PTPDC1: variants seen among roughly 807,000 people sequenced by gnomAD.
The protein encoded by PTPDC1 is protein tyrosine phosphatase domain containing 1.
A neutral mutation model predicts 75.3 loss-of-function variants in PTPDC1; 53 were observed. The observed-to-expected ratio is 0.70, with a 90% CI of 0.56 to 0.88. The LOEUF is 0.88. PTPDC1 is among the 40% of genes least tolerant of loss of function. The pLI, the probability that PTPDC1 is intolerant of heterozygous loss-of-function variation, is 0.00. For missense variants in PTPDC1, 925 were observed against 998.6 expected, an observed-to-expected ratio of 0.93 and a Z score of 0.99; for synonymous variants, 349 against 366.2, an observed-to-expected ratio of 0.95 and a Z score of 0.54.
Position 94,097,504 on chromosome 9 carries a change from A to T in PTPDC1, c.938A>T (p.His313Leu). The part of the protein sequence containing the change: ...NIFSCCDPKA[H>L]AVTLPQYLIR... ...TTCTCTTGCTGTGATCCCAAAGCAC[A>T]TGCTGTCACCTTACCTCAATATCTA... Residue 313 changes from histidine (H) to leucine (L), a missense_variant, in exon 6 of 9, where the codon CAT becomes CTT. Coordinates refer to ENST00000620992, the MANE Select transcript of PTPDC1 (RefSeq NM_001253829.2). 1 of 1,614,172 alleles carries T rather than the reference A, an allele frequency of 6.2e-7. No individual in the cohort carries two copies. Among genetic ancestry groups the T allele is most frequent in the Non-Finnish European group, 8.5e-7 (1 of 1,180,004 alleles).
At chr9:94,096,823 G>A (rs1827588445) in intron 5 of PTPDC1, among the ~76,000 whole-genome samples, 1 of 152,198 alleles carries the variant, frequency 6.6e-6, no homozygotes, top group African/African-American at 2.4e-5. Context: ...TAGGGAGAGT[G>A]CCAAGCTGGG....
At chr9:94,104,612 G>A (rs189030871) in intron 8 of PTPDC1, among the ~76,000 whole-genome samples, 1 of 152,306 alleles carries the variant, frequency 6.6e-6, no homozygotes, top group Admixed American at 6.5e-5. Context: ...TTTTTTGAAG[G>A]AGAACGTTGG....
chr9:94,087,864 ATCC>A lies in PTPDC1; in HGVS notation c.453_455del (p.Ser152del). ...ATAATATACTGGCCATGGCCCGCCC[ATCC>A]TCTGAGCTCCTGGAGAAGTACCACA... On this transcript the variant is annotated inframe_deletion, in exon 3 of 9. Transcript: ENST00000620992. 6.2e-7 allele frequency: 1 copy of A among 1,613,916 alleles called. No individual in the cohort carries two copies. Among genetic ancestry groups the A allele is most frequent in the Non-Finnish European group, 8.5e-7 (1 of 1,179,864 alleles).
In PTPDC1 at chr9:94,098,314, C is replaced by T; in HGVS notation, c.1748C>T (p.Thr583Ile). 1.2e-6 allele frequency: 2 copies of T among 1,614,216 alleles called. No homozygotes were observed. Among genetic ancestry groups the T allele is most frequent in the Non-Finnish European group, 1.7e-6 (2 of 1,180,032 alleles). ...HQQVSHCQCK[T>I]HGVGSPGSVR... ...CAAGTGTCTCACTGTCAGTGTAAAA[C>T]TCATGGTGTTGGGAGCCCTGGCTCT... The change falls in exon 6 of 9, where the codon ACT becomes ATT. Residue 583 changes from threonine to isoleucine, a missense_variant. Thr to Ile is a moderately conservative substitution (Grantham distance 89). Coordinates refer to ENST00000620992, the MANE Select transcript of PTPDC1 (RefSeq NM_001253829.2).
At chr9:94,033,677 T>C (rs928238582) in intron 1 of PTPDC1, among the ~76,000 whole-genome samples, 2 of 152,226 alleles carry the variant, frequency 1.3e-5, no homozygotes, top group African/African-American at 4.8e-5. Context: ...TCTATTAATA[T>C]TAGTTTTTTT....
chr9:94,045,306 G>A (rs1221232201), intron 1 of PTPDC1, among the ~76,000 whole-genome samples: 5 of 152,014 alleles, frequency 3.3e-5, no homozygotes, highest in South Asian at 2.1e-4. Context: ...GTAAACATAC[G>A]TGTGCATGTG....
intron 5 of PTPDC1, among the ~76,000 whole-genome samples, chr9:94,096,783 GAAT>G (rs559407362): frequency 5.1e-4 from 77 of 152,292 alleles, no homozygotes; most frequent in African/African-American, 1.7e-3. Context: ...CTGCAAATAT[GAAT>G]AATCCCTAAA....
At chr9:94,076,774 T>G (rs528199533) in intron 2 of PTPDC1, among the ~76,000 whole-genome samples, 1 of 152,348 alleles carries the variant, frequency 6.6e-6, no homozygotes, top group East Asian at 1.9e-4. Context: ...CCAAAGTGTT[T>G]GCTTCATTTT....
intron 1 of PTPDC1, among the ~76,000 whole-genome samples, chr9:94,060,060 C>T (rs1424711909): frequency 6.6e-6 from 1 of 152,054 alleles, no homozygotes; most frequent in Non-Finnish European, 1.5e-5. Flanking sequence ...TAGAAAAGAG[C>T]ATCCAAGCTG....
At chr9:94,081,485 G>T (rs189453036), upstream of PTPDC1, among the ~76,000 whole-genome samples, 13 of 152,208 alleles carry the variant, frequency 8.5e-5, no homozygotes, top group Non-Finnish European at 1.5e-5. Flanking sequence ...CTATGATCAC[G>T]TCACTGCTCT....
Position 94,097,310 on chromosome 9 carries a change from T to G in PTPDC1, c.755-11T>G, listed in dbSNP as rs1437459907. 1 of 1,542,122 alleles carries G rather than the reference T, an allele frequency of 6.5e-7. No homozygotes were observed. The highest frequency in any genetic ancestry group is 1.4e-5 in the African/African-American group (1 of 72,682). On this transcript the variant is annotated splice_polypyrimidine_tract_variant and intron_variant, in intron 5 of 8. Coordinates refer to ENST00000620992, the MANE Select transcript of PTPDC1 (RefSeq NM_001253829.2). ...TTTTCTCATACCAGTCTTCTCTTCTTCACTGTTTAGGTGTTTTAATAGCCT... is the reference window on the plus strand; with the variant it reads ...TTTTCTCATACCAGTCTTCTCTTCTGCACTGTTTAGGTGTTTTAATAGCCT...
At chr9:94,068,987 A>G (rs1826417197) in intron 2 of PTPDC1, among the ~76,000 whole-genome samples, 1 of 152,148 alleles carries the variant, frequency 6.6e-6, no homozygotes. Flanking sequence ...TCCATTTTAC[A>G]TGTCCCCACC....
intron 1 of PTPDC1, among the ~76,000 whole-genome samples, chr9:94,056,762 G>T (rs1458563201): frequency 1.3e-5 from 2 of 152,174 alleles, no homozygotes; most frequent in East Asian, 1.9e-4. Flanking sequence ...GACATTCTTT[G>T]TGTTCTACTG....
intron 1 of PTPDC1, among the ~76,000 whole-genome samples, chr9:94,032,171 C>CTGTT (rs1337851541): frequency 6.6e-6 from 1 of 152,182 alleles, no homozygotes; most frequent in African/African-American, 2.4e-5. Flanking sequence ...CCCACTCATC[C>CTGTT]TGTTGGCTCC....
At position 94,075,881 on chromosome 9, in the gene PTPDC1, A is replaced by G. The variant is rs143669803; in HGVS notation, c.83-9370A>G. On this transcript the variant is annotated intron_variant, in intron 2 of 9. Transcript: ENST00000375360. ...ATTCACCCATTTAAAGTACCAATCCAGTGTTTTTAGAACATTCAAAGAGCT... is the reference window on the plus strand; with the variant it reads ...ATTCACCCATTTAAAGTACCAATCCGGTGTTTTTAGAACATTCAAAGAGCT... Among the ~76,000 whole-genome samples the G allele has an allele frequency of 8.5e-5, 13 of 152,330 alleles. No individual in the cohort carries two copies. In the East Asian group the frequency reaches 2.5e-3, roughly 29 times the overall value.
chr9:94,095,888 T>C (rs578210899), intron 5 of PTPDC1, among the ~76,000 whole-genome samples: 2 of 152,346 alleles, frequency 1.3e-5, no homozygotes, highest in East Asian at 1.9e-4. Context: ...TTTTAAAGTC[T>C]TTAGCAACAA....
In PTPDC1 at chr9:94,102,256, C is replaced by T. The variant is rs560292914; in HGVS notation, c.2199+505C>T. Among the ~76,000 whole-genome samples the T allele has an allele frequency of 2.6e-5, 4 of 151,982 alleles. No individual in the cohort carries two copies. The East Asian group carries it at 7.7e-4, about 29-fold the overall frequency. Reference sequence around the variant, plus strand: ...ATTATGAATTAGGTTGGGATATGCACTCATTCGTATTTTTAAAAAGGGGTA... The same window carrying T: ...ATTATGAATTAGGTTGGGATATGCATTCATTCGTATTTTTAAAAAGGGGTA... On this transcript the variant is annotated intron_variant, in intron 7 of 8. Transcript: ENST00000620992.
chr9:94,086,440 G>A (rs1827076305), intron 2 of PTPDC1, among the ~76,000 whole-genome samples: 1 of 152,210 alleles, frequency 6.6e-6, no homozygotes, highest in Non-Finnish European at 1.5e-5. Flanking sequence ...ATTATCACTG[G>A]GGGTCCAAAC....
intron 2 of PTPDC1, 118 bp downstream of exon 2, chr9:94,085,540 T>A: frequency 9.4e-7 from 1 of 1,068,492 alleles, no homozygotes; most frequent in Non-Finnish European, 1.3e-6. Context: ...AGGACCTCAC[T>A]TTGCCAGTCA....
Sources: allele counts gnomAD v4.1 joint callset (sites outside exome capture counted in the v4.1 genomes callset), GRCh38; gene constraint gnomAD v4.1.1; transcripts MANE v1.5; gene names NCBI Gene and HGNC (gene_info 2026-07-23, HGNC 2026-07-21).